Variants in BRWD3 observed in about 807,000 individuals in gnomAD.
The protein encoded by BRWD3 is bromodomain and WD repeat domain containing 3.
BRWD3 carries 10 observed loss-of-function variants against 149.7 expected under a neutral mutation model. That is an observed-to-expected ratio of 0.07 (90% CI 0.04 to 0.11). The LOEUF (loss-of-function observed/expected upper bound fraction) is 0.11, where lower values mean the gene tolerates loss of function less well. BRWD3 is among the 10% of genes least tolerant of loss of function. BRWD3 has a pLI of 1.00. For missense variants in BRWD3, 940 were observed against 1,373.2 expected, an observed-to-expected ratio of 0.68 and a Z score of 4.99; for synonymous variants, 504 against 456.7, an observed-to-expected ratio of 1.10 and a Z score of -1.32.
At chrX:80,737,600 C>T (rs1044760508) in intron 8 of BRWD3, among the ~76,000 whole-genome samples, 3 of 111,398 alleles carry the variant, frequency 2.7e-5, no homozygotes, top group African/African-American at 9.8e-5. Flanking sequence ...TTTGGGAGGC[C>T]GAGGCAGGCA....
chrX:80,717,716 G>C lies in BRWD3; in HGVS notation c.2088C>G (p.Ile696Met), dbSNP rs2073093123. 1.7e-6 allele frequency: 2 copies of C among 1,211,198 alleles called. No individual in the cohort carries two copies. The highest frequency in any genetic ancestry group is 5.9e-5 in the East Asian group (2 of 33,813). ...PNMDISSSPN[I>M]RLRRHSSQIE... ...TTTGACTACTATGTCTTCGAAGCCT[G>C]ATGTTTGGGGAAGAAGATATGTCCA... The change falls in exon 19 of 41, where the codon ATC becomes ATG. Residue 696 changes from isoleucine to methionine, a missense_variant. Transcript: ENST00000373275.
chrX:80,796,351 G>A (rs904894300), intron 4 of BRWD3, among the ~76,000 whole-genome samples: 2 of 110,536 alleles, frequency 1.8e-5, no homozygotes, highest in African/African-American at 6.6e-5. Flanking sequence ...GGCTGGTCTC[G>A]AACTCCTGAC....
intron 6 of BRWD3, among the ~76,000 whole-genome samples, chrX:80,784,569 G>C (rs2074089792): frequency 9.0e-6 from 1 of 110,768 alleles, no homozygotes; most frequent in African/African-American, 3.3e-5. Context: ...CCTGGTGTGT[G>C]TTGTTCCCCC....
intron 6 of BRWD3, among the ~76,000 whole-genome samples, chrX:80,750,813 T>C (rs1367435881): frequency 1.8e-4 from 19 of 108,079 alleles, no homozygotes; most frequent in African/African-American, 6.1e-4. Context: ...CAAGATATGA[T>C]TGCAATCTAA....
rs139037875 is a variant in BRWD3, at chrX:80,686,932, T to C, written c.3936A>G (p.Leu1312=). The C allele has an allele frequency of 1.6e-4, 198 of 1,207,653 alleles. No individual in the cohort carries two copies. The highest frequency in any genetic ancestry group is 2.0e-4 in the Non-Finnish European group (178 of 893,717). The change falls in exon 35 of 41, where the codon CTA becomes CTG. Residue 1312 remains leucine, a synonymous_variant. Transcript: ENST00000373275. ...PDAWKKQCKE[L]LSLIYEREDS... is the part of the protein sequence containing the mutation. The stretch of plus-strand genomic sequence containing the variant: ...CTTCACGTTCATAAATGAGGCTCAA[T>C]AGTTCCTTGCATTGTTTTTTCCAAG...
chrX:80,740,469 G>A (rs1431381630), intron 8 of BRWD3, among the ~76,000 whole-genome samples: 1 of 112,301 alleles, frequency 8.9e-6, no homozygotes, highest in Non-Finnish European at 1.9e-5. Flanking sequence ...GAGGCTGAGT[G>A]CAGTGGCTCA....
chrX:80,677,866 A>T (rs945851063), intron 40 of BRWD3, among the ~76,000 whole-genome samples: 1 of 111,930 alleles, frequency 8.9e-6, no homozygotes, highest in Non-Finnish European at 1.9e-5. Context: ...GTATATGTGT[A>T]GAAGGGAATG....
intron 11 of BRWD3, 150 bp downstream of exon 11, chrX:80,733,968 G>C (rs2147775713): frequency 2.2e-6 from 1 of 452,523 alleles, no homozygotes; most frequent in African/African-American, 2.5e-5. Flanking sequence ...ACTTTTACAA[G>C]TATAGTATGT....
At position 80,791,843 on chromosome X, in the gene BRWD3, A is replaced by T; in HGVS notation, c.430+11T>A. On this transcript the variant is annotated intron_variant, in intron 6 of 40. Coordinates refer to ENST00000373275, the MANE Select transcript of BRWD3 (RefSeq NM_153252.5). ...AACAATCTGTTTATAACACACAGGT[A>T]TATTACTCACCCACATTTGGAGGTT... 1 of 1,155,064 alleles carries T rather than the reference A, an allele frequency of 8.7e-7. No homozygotes were observed. Among genetic ancestry groups the T allele is most frequent in the Non-Finnish European group, 1.2e-6 (1 of 844,493 alleles).
At chrX:80,709,399 C>T (rs753914523) in intron 21 of BRWD3, 29 bp downstream of exon 21, 13 of 1,176,882 alleles carry the variant, frequency 1.1e-5, no homozygotes, top group African/African-American at 3.6e-5. Flanking sequence ...CAAAAAACTA[C>T]ATCAAATAAA....
chrX:80,714,052 G>C (rs762364498), intron 20 of BRWD3, among the ~76,000 whole-genome samples: 26 of 111,140 alleles, frequency 2.3e-4, no homozygotes, highest in East Asian at 2.8e-4. Context: ...TGTCTCTTGT[G>C]GGGGAAAACC....
At chrX:80,687,840 A>G (rs2072553798) in intron 34 of BRWD3, among the ~76,000 whole-genome samples, 1 of 110,197 alleles carries the variant, frequency 9.1e-6, no homozygotes, top group Non-Finnish European at 1.9e-5. Flanking sequence ...ATAATAGCAT[A>G]AGGAAGCCTG....
At chrX:80,690,842 C>T (rs1252266665) in intron 31 of BRWD3, among the ~76,000 whole-genome samples, 2 of 111,440 alleles carry the variant, frequency 1.8e-5, no homozygotes, top group Non-Finnish European at 3.8e-5. Context: ...ACCATTTGTA[C>T]TACCCATATA....
intron 6 of BRWD3, among the ~76,000 whole-genome samples, chrX:80,781,942 T>C (rs992506429): frequency 8.9e-6 from 1 of 111,934 alleles, no homozygotes; most frequent in Non-Finnish European, 1.9e-5. Context: ...CAAAGTAATC[T>C]ACAGATTCAA....
chrX:80,786,651 AT>A (rs775948142), intron 6 of BRWD3, among the ~76,000 whole-genome samples: 2 of 111,268 alleles, frequency 1.8e-5, no homozygotes, highest in South Asian at 7.6e-4. Context: ...AGTAGCTAGG[AT>A]TACAGGCATG....
At chrX:80,808,699 C>T in intron 3 of BRWD3, 101 bp from the exon 4 acceptor site, 1 of 718,902 alleles carries the variant, frequency 1.4e-6, no homozygotes, top group East Asian at 3.4e-5. Context: ...CAGTCCTCAA[C>T]ACTTTACCGT....
At chrX:80,785,127 G>A (rs1448303416) in intron 6 of BRWD3, among the ~76,000 whole-genome samples, 1 of 112,404 alleles carries the variant, frequency 8.9e-6, no homozygotes, top group Non-Finnish European at 1.9e-5. Flanking sequence ...CGAAGAAATA[G>A]TAATAGGTGA....
intron 27 of BRWD3, 53 bp downstream of exon 27, chrX:80,695,855 G>C (rs1465998394): frequency 9.9e-7 from 1 of 1,007,709 alleles, no homozygotes; most frequent in African/African-American, 1.9e-5. Flanking sequence ...CAGTTAAAAA[G>C]TTACTTACTG....
chrX:80,677,569 G>A (rs2072381310), intron 40 of BRWD3, among the ~76,000 whole-genome samples: 1 of 111,259 alleles, frequency 9.0e-6, no homozygotes, highest in African/African-American at 3.3e-5. Context: ...AGAATATGGG[G>A]GTGGAATGAT....
Sources: gnomAD v4.1 joint callset for allele counts (sites outside exome capture counted in the v4.1 genomes callset) on GRCh38, gnomAD v4.1.1 for gene constraint, MANE v1.5 for transcripts, NCBI Gene and HGNC (gene_info 2026-07-23, HGNC 2026-07-21) for gene names.